NTRK2: variants seen among roughly 807,000 people sequenced by gnomAD.
NTRK2 encodes BDNF/NT-3 growth factors receptor.
Under a neutral mutation model 94.5 loss-of-function variants are expected in NTRK2, and 13 were observed. The ratio of observed to expected loss-of-function variants is 0.14; its 90% CI spans 0.09 to 0.22. NTRK2 has a LOEUF of 0.22. NTRK2 is among the 10% of genes least tolerant of loss of function. The pLI is 1.00. For missense variants in NTRK2, 639 were observed against 1,071.2 expected (o/e 0.60, Z 5.63); for synonymous variants, 372 against 407.4 (o/e 0.91, Z 1.05).
Position 84,786,387 on chromosome 9 carries a change from G to C in NTRK2, c.1396+34302G>C, listed in dbSNP as rs534289307. Among the ~76,000 whole-genome samples the C allele has an allele frequency of 3.9e-5, 6 of 152,250 alleles. No homozygotes were observed. In the East Asian group the frequency reaches 9.7e-4, roughly 25 times the overall value. On this transcript the variant is annotated intron_variant, in intron 12 of 18. Coordinates refer to ENST00000277120, the MANE Select transcript of NTRK2 (RefSeq NM_006180.6). ...CCTACCTGGCCTCACCTGTGTGTAG[G>C]GGGTGAGTGGCAATACCAGGATCCA...
At chr9:84,826,055 C>T (rs57179232) in intron 12 of NTRK2, among the ~76,000 whole-genome samples, 5,126 of 152,288 alleles carry the variant, frequency 0.034, 287 homozygotes, top group African/African-American at 0.12. Flanking sequence ...ATTCCACCCC[C>T]CACCCGCCAT....
chr9:84,920,682 G>A (rs150334314), intron 14 of NTRK2, among the ~76,000 whole-genome samples: 23 of 152,238 alleles, frequency 1.5e-4, no homozygotes, highest in Admixed American at 6.5e-5. Flanking sequence ...CCAGAAATCC[G>A]TTGAAAAATC....
chr9:84,875,664 A>G (rs1378305789), intron 14 of NTRK2: 2 of 1,055,408 alleles, frequency 1.9e-6, no homozygotes, highest in Non-Finnish European at 2.3e-6. Flanking sequence ...TTGGCTGTGC[A>G]AGGACCTCTG....
At chr9:84,780,936 A>G (rs533329392) in intron 12 of NTRK2, among the ~76,000 whole-genome samples, 1 of 152,318 alleles carries the variant, frequency 6.6e-6, no homozygotes, top group South Asian at 2.1e-4. Context: ...GGGAAGTAAA[A>G]GAAAAAAGGT....
chr9:84,925,330 C>A (rs1311469504), intron 14 of NTRK2, among the ~76,000 whole-genome samples: 1 of 151,866 alleles, frequency 6.6e-6, no homozygotes, highest in East Asian at 1.9e-4. Context: ...TCTAGATGGA[C>A]CTGTCTGCCC....
intron 14 of NTRK2, among the ~76,000 whole-genome samples, chr9:84,909,485 T>G (rs1587900377): frequency 6.7e-6 from 1 of 148,590 alleles, no homozygotes; most frequent in Non-Finnish European, 1.5e-5. Context: ...GTTTTAGTTG[T>G]TTTTTTTTTA....
chr9:84,747,406 T>C (rs1457158560), intron 11 of NTRK2, among the ~76,000 whole-genome samples: 4 of 151,742 alleles, frequency 2.6e-5, no homozygotes, highest in African/African-American at 9.7e-5. Flanking sequence ...TTTGTGTACG[T>C]AAGAAATCCA....
At chr9:84,830,033 C>G (rs923733648) in intron 12 of NTRK2, among the ~76,000 whole-genome samples, 1 of 152,306 alleles carries the variant, frequency 6.6e-6, no homozygotes, top group Non-Finnish European at 1.5e-5. Flanking sequence ...GGAACACCCC[C>G]TTCTCTCCAA....
chr9:84,723,227 G>A (rs954367202), intron 6 of NTRK2, among the ~76,000 whole-genome samples: 1 of 152,224 alleles, frequency 6.6e-6, no homozygotes, highest in African/African-American at 2.4e-5. Flanking sequence ...CAGTCCTTAT[G>A]TACAATCTCT....
chr9:84,715,717 T>TA (rs1023192749), intron 6 of NTRK2, among the ~76,000 whole-genome samples: 20 of 152,254 alleles, frequency 1.3e-4, no homozygotes, highest in African/African-American at 2.4e-4. Context: ...TCATCTCGTA[T>TA]AAAAAATCTC....
intron 10 of NTRK2, among the ~76,000 whole-genome samples, chr9:84,743,378 G>A (rs937235031): frequency 2.6e-5 from 4 of 151,784 alleles, no homozygotes; most frequent in East Asian, 1.9e-4. Flanking sequence ...TCTATAAAAT[G>A]AGCCTGTCTG....
chr9:84,743,405 G>A (rs1038380456), intron 10 of NTRK2, among the ~76,000 whole-genome samples: 6 of 151,786 alleles, frequency 4.0e-5, no homozygotes, highest in East Asian at 1.9e-4. Flanking sequence ...TATTATATGC[G>A]TGTGTATTTA....
intron 12 of NTRK2, among the ~76,000 whole-genome samples, chr9:84,808,646 A>G (rs1457116001): frequency 6.6e-6 from 1 of 152,238 alleles, no homozygotes. Flanking sequence ...AAACTTTTAG[A>G]AGGAGACTGG....
rs530367187 is a variant in NTRK2 at position 85,018,917 on chromosome 9, A to G, written c.2173-1289A>G. On this transcript the variant is annotated intron_variant, in intron 17 of 18. Coordinates refer to ENST00000277120, the MANE Select transcript of NTRK2 (RefSeq NM_006180.6). ...TTTTGTTTATTAAAAACTGAATAGTAGAGATGGGTCACCTGAGCCAGAAGT... is the reference window on the plus strand; with the variant it reads ...TTTTGTTTATTAAAAACTGAATAGTGGAGATGGGTCACCTGAGCCAGAAGT... 3.3e-5 allele frequency among the ~76,000 whole-genome samples: 5 copies of G among 152,316 alleles called. No homozygotes were observed. The East Asian group carries it at 9.7e-4, about 29-fold the overall frequency.
intron 12 of NTRK2, among the ~76,000 whole-genome samples, chr9:84,798,607 G>T (rs893000472): frequency 1.1e-4 from 16 of 152,092 alleles, no homozygotes; most frequent in African/African-American, 2.7e-4. Flanking sequence ...GAAGAAAATG[G>T]GCTATAGGGT....
At chr9:85,001,255 C>CT (rs1449600432) in intron 17 of NTRK2, among the ~76,000 whole-genome samples, 1 of 152,152 alleles carries the variant, frequency 6.6e-6, no homozygotes, top group Admixed American at 6.5e-5. Context: ...TTGTCATTCT[C>CT]TTTTCTGTTG....
At chr9:84,783,583 G>A (rs534620456) in intron 12 of NTRK2, among the ~76,000 whole-genome samples, 12 of 152,316 alleles carry the variant, frequency 7.9e-5, no homozygotes, top group African/African-American at 2.9e-4. Flanking sequence ...AGTTTGAAAG[G>A]TGCCTAGAAA....
intron 12 of NTRK2, among the ~76,000 whole-genome samples, chr9:84,839,194 T>C (rs1224468539): frequency 6.6e-6 from 1 of 152,220 alleles, no homozygotes. Flanking sequence ...GTTGTTCTCA[T>C]CTGCTTGTCC....
intron 14 of NTRK2, chr9:84,873,132 A>G: frequency 1.9e-6 from 2 of 1,064,234 alleles, no homozygotes; most frequent in Non-Finnish European, 1.1e-6. Context: ...ACCATGGTCC[A>G]TTTTGATGGT....
Sources: gnomAD v4.1 joint callset for allele counts (sites outside exome capture counted in the v4.1 genomes callset) on GRCh38, gnomAD v4.1.1 for gene constraint, MANE v1.5 for transcripts, NCBI Gene and HGNC (gene_info 2026-07-23, HGNC 2026-07-21) for gene names.